Variants in INPP4B observed in about 807,000 individuals in gnomAD.
INPP4B encodes the protein inositol polyphosphate-4-phosphatase type II B.
Under a neutral mutation model 122.5 loss-of-function variants are expected in INPP4B, and 55 were observed. That is an observed-to-expected ratio of 0.45 (90% CI 0.36 to 0.56). The LOEUF (loss-of-function observed/expected upper bound fraction) is 0.56. Among genes scored for constraint, INPP4B ranks in the 20% least tolerant of loss-of-function variants. The pLI, the probability that INPP4B is intolerant of heterozygous loss-of-function variation, is 0.00. For synonymous variants in INPP4B, 403 were observed against 388.7 expected (o/e 1.04, Z -0.43); for missense variants, 1,000 against 1,097.7 (o/e 0.91, Z 1.26).
intron 12 of INPP4B, among the ~76,000 whole-genome samples, chr4:142,222,562 T>C (rs1443992268): frequency 6.6e-6 from 1 of 152,230 alleles, no homozygotes; most frequent in Admixed American, 6.5e-5. Flanking sequence ...AAGGAAAATA[T>C]ATTATTGAGT....
At chr4:142,372,233 A>T (rs1212676504) in intron 7 of INPP4B, among the ~76,000 whole-genome samples, 1 of 152,114 alleles carries the variant, frequency 6.6e-6, no homozygotes. Context: ...TAAAATATAG[A>T]TCTCATGGAG....
Position 142,086,166 on chromosome 4 carries a change from T to C in INPP4B, c.2465A>G (p.Glu822Gly). ...NIQSKKRKNV[E>G]IMWLAATICR... ...TACCGTTGCAGCCAGCCACATAATT[T>C]CTACATTCTTTCTTTTTTTGGATTG... is the stretch of plus-strand genomic sequence containing the variant. Residue 822 changes from glutamate (E) to glycine (G), a missense_variant, in exon 24 of 26, where the codon GAA becomes GGA. Glu to Gly is a moderately conservative substitution (Grantham distance 98). Transcript: ENST00000262992. 6.3e-7 allele frequency: 1 copy of C among 1,595,062 alleles called. No individual in the cohort carries two copies. The highest frequency in any genetic ancestry group is 1.1e-5 in the South Asian group (1 of 90,618).
At chr4:142,151,455 A>G (rs336406) in intron 17 of INPP4B, among the ~76,000 whole-genome samples, 97,511 of 152,092 alleles carry the variant, frequency 0.64, 36,655 homozygotes, top group South Asian at 0.83. Flanking sequence ...TCATCTCCCA[A>G]TAACTACACT....
In INPP4B at chr4:142,570,535, T is replaced by C. The variant is rs193281187; in HGVS notation, c.-190-107809A>G. On this transcript the variant is annotated intron_variant, in intron 2 of 25. Coordinates refer to ENST00000262992, the MANE Select transcript of INPP4B (RefSeq NM_001101669.3). ...GGAGATAATACCCTACAATTGACTA[T>C]AAGCTACATGAAGGCACGATCTGAC... Among the ~76,000 whole-genome samples the C allele has an allele frequency of 1.4e-4, 21 of 152,208 alleles. No homozygotes were observed. The East Asian group carries it at 3.9e-3, about 28-fold the overall frequency.
At chr4:142,298,783 T>A (rs1679267381) in intron 9 of INPP4B, among the ~76,000 whole-genome samples, 3 of 152,050 alleles carry the variant, frequency 2.0e-5, no homozygotes, top group African/African-American at 7.2e-5. Flanking sequence ...CGAACACTTC[T>A]TCTCAATAAT....
intron 25 of INPP4B, among the ~76,000 whole-genome samples, chr4:142,044,963 A>C (rs1311268003): frequency 1.3e-5 from 2 of 152,134 alleles, no homozygotes; most frequent in Non-Finnish European, 2.9e-5. Flanking sequence ...TAGAAAATTC[A>C]CTTTTCCATT....
intron 2 of INPP4B, among the ~76,000 whole-genome samples, chr4:142,541,943 C>T (rs1482925931): frequency 2.0e-5 from 3 of 152,278 alleles, no homozygotes; most frequent in South Asian, 2.1e-4. Flanking sequence ...TAGCTTCTCC[C>T]GGCAAAACTC....
At chr4:142,437,004 C>A (rs761924269) in intron 3 of INPP4B, among the ~76,000 whole-genome samples, 2 of 151,904 alleles carry the variant, frequency 1.3e-5, no homozygotes, top group Non-Finnish European at 1.5e-5. Context: ...GGCAAAGAAG[C>A]TAAGAACCAT....
At chr4:142,446,293 C>T (rs1047022636) in intron 3 of INPP4B, among the ~76,000 whole-genome samples, 3 of 151,578 alleles carry the variant, frequency 2.0e-5, no homozygotes, top group African/African-American at 4.8e-5. Flanking sequence ...TACCCAGAAA[C>T]ATATTAAATG....
intron 2 of INPP4B, among the ~76,000 whole-genome samples, chr4:142,588,382 A>G (rs10014555): frequency 1.1e-4 from 16 of 151,754 alleles, no homozygotes; most frequent in South Asian, 2.1e-4. Flanking sequence ...GTTGTAAATG[A>G]CATGACTTAT....
chr4:142,411,449 G>A (rs778835229), intron 5 of INPP4B, among the ~76,000 whole-genome samples: 22 of 152,156 alleles, frequency 1.4e-4, no homozygotes, highest in Non-Finnish European at 1.8e-4. Flanking sequence ...TCTGATAGAA[G>A]CATACCTTCG....
At chr4:142,733,438 G>C (rs1054585688) in intron 1 of INPP4B, among the ~76,000 whole-genome samples, 18 of 152,068 alleles carry the variant, frequency 1.2e-4, no homozygotes, top group Non-Finnish European at 5.9e-5. Flanking sequence ...ATAAGAAAAT[G>C]AGACAACTGA....
intron 2 of INPP4B, among the ~76,000 whole-genome samples, chr4:142,658,426 A>C (rs949925355): frequency 6.6e-6 from 1 of 152,240 alleles, no homozygotes; most frequent in African/African-American, 2.4e-5. Flanking sequence ...TTTGGTTTAA[A>C]TATTGCTGAT....
At chr4:142,598,169 G>A (rs1477481609) in intron 2 of INPP4B, among the ~76,000 whole-genome samples, 1 of 152,178 alleles carries the variant, frequency 6.6e-6, no homozygotes, top group Admixed American at 6.5e-5. Flanking sequence ...AGTTGATATT[G>A]GCCAGGAGCC....
At chr4:142,432,172 A>G (rs1017345014) in intron 3 of INPP4B, among the ~76,000 whole-genome samples, 3 of 152,128 alleles carry the variant, frequency 2.0e-5, no homozygotes, top group Admixed American at 2.0e-4. Flanking sequence ...AAATTTTTTA[A>G]AAAATCAATG....
At chr4:142,766,039 A>G (rs1413645163) in intron 1 of INPP4B, 2 of 152,168 alleles carry the variant, frequency 1.3e-5, no homozygotes, top group Admixed American at 6.6e-5. Context: ...AATATAACTT[A>G]TAGAACAGTC....
intron 7 of INPP4B, among the ~76,000 whole-genome samples, chr4:142,381,246 C>A (rs775495182): frequency 1.3e-5 from 2 of 152,028 alleles, no homozygotes; most frequent in Non-Finnish European, 2.9e-5. Flanking sequence ...TTTCTCACAT[C>A]CTGCCAGCAA....
At chr4:142,281,284 AAAAT>A (rs983278402) in intron 9 of INPP4B, among the ~76,000 whole-genome samples, 3 of 151,912 alleles carry the variant, frequency 2.0e-5, no homozygotes, top group African/African-American at 7.2e-5. Flanking sequence ...TCAGAAGCAA[AAAAT>A]AGATACACTT....
At chr4:142,651,034 G>A (rs1249107455) in intron 2 of INPP4B, among the ~76,000 whole-genome samples, 5 of 152,184 alleles carry the variant, frequency 3.3e-5, no homozygotes, top group African/African-American at 1.2e-4. Context: ...TCAGAACAGA[G>A]TGCAATCAAA....
Sources: allele counts gnomAD v4.1 joint callset (sites outside exome capture counted in the v4.1 genomes callset), GRCh38; gene constraint gnomAD v4.1.1; transcripts MANE v1.5; gene names NCBI Gene and HGNC (gene_info 2026-07-23, HGNC 2026-07-21).